Variants in DEUP1 observed in about 807,000 individuals in gnomAD.
The protein encoded by DEUP1 is deuterosome assembly protein 1.
DEUP1 carries 82 observed loss-of-function variants against 87.4 expected under a neutral mutation model. The ratio of observed to expected loss-of-function variants is 0.94; its 90% CI spans 0.78 to 1.13. DEUP1 has a LOEUF of 1.13. DEUP1 is among the 50% of genes most tolerant of loss of function. The probability of loss-of-function intolerance (pLI) is 0.00; values close to 1 mark genes in which losing one functional copy is unlikely to be tolerated. For missense variants in DEUP1, 663 were observed against 681.5 expected, an observed-to-expected ratio of 0.97 and a Z score of 0.30; for synonymous variants, 214 against 222.7, an observed-to-expected ratio of 0.96 and a Z score of 0.35.
chr11:93,355,612 G>T, intron 3 of DEUP1, 70 bp downstream of exon 3: 2 of 1,345,588 alleles, frequency 1.5e-6, no homozygotes, highest in African/African-American at 1.5e-5. Context: ...ATCAGAATAT[G>T]TTTTTATTAT....
Position 93,437,647 on chromosome 11 carries a change from T to C in DEUP1, c.1743T>C (p.Ile581=), listed in dbSNP as rs772187549. 3.7e-6 allele frequency: 6 copies of C among 1,609,574 alleles called. No individual in the cohort carries two copies. In the East Asian group the frequency reaches 1.1e-4, roughly 30 times the overall value. Residue 581 remains isoleucine (I), a synonymous_variant, in exon 14 of 14, where the codon ATT becomes ATC. Coordinates refer to ENST00000298050, the MANE Select transcript of DEUP1 (RefSeq NM_181645.4). The part of the protein sequence containing the change: ...KELEKLLNTH[I]DELQRHTEFT... ...TTGAAAAACTTCTAAATACACATAT[T>C]GATGAACTGCAAAGACACACAGAAT...
At chr11:93,344,477 C>T (rs1944235985) in intron 2 of DEUP1, among the ~76,000 whole-genome samples, 1 of 151,652 alleles carries the variant, frequency 6.6e-6, no homozygotes, top group African/African-American at 2.4e-5. Flanking sequence ...TCTCCTGTCT[C>T]TCCTCTCTAT....
rs531424713 is a variant in DEUP1, at chr11:93,357,790, T to C, written c.297+747T>C. ...TAATTAAAGGAGCCTAAGCAATTAC[T>C]GAACCTTTTTAAATACGTTTTAGGA... On this transcript the variant is annotated intron_variant, in intron 4 of 13. Transcript: ENST00000298050. 1.3e-4 allele frequency among the ~76,000 whole-genome samples: 20 copies of C among 152,310 alleles called. No homozygotes were observed. In the East Asian group the frequency reaches 3.7e-3, roughly 28 times the overall value.
chr11:93,416,146 G>C (rs1401172785), intron 13 of DEUP1, among the ~76,000 whole-genome samples: 1 of 152,008 alleles, frequency 6.6e-6, no homozygotes, highest in Non-Finnish European at 1.5e-5. Flanking sequence ...GCAAACACTT[G>C]CAAAAGCTAG....
At chr11:93,332,352 A>C in intron 2 of DEUP1, 64 bp downstream of exon 2, 2 of 1,361,340 alleles carry the variant, frequency 1.5e-6, no homozygotes, top group Non-Finnish European at 2.0e-6. Context: ...CTTCCTGAGA[A>C]CACATGAATT....
intron 7 of DEUP1, among the ~76,000 whole-genome samples, chr11:93,376,559 T>C (rs1333603685): frequency 6.6e-6 from 1 of 152,208 alleles, no homozygotes; most frequent in Admixed American, 6.5e-5. Flanking sequence ...CATTCACCTT[T>C]TCAAAGAGCC....
chr11:93,348,758 C>T (rs1410865167), intron 2 of DEUP1, among the ~76,000 whole-genome samples: 1 of 152,158 alleles, frequency 6.6e-6, no homozygotes, highest in East Asian at 1.9e-4. Context: ...CCAGTTTGTC[C>T]AGAACAGTAA....
intron 10 of DEUP1, 102 bp downstream of exon 10, chr11:93,394,758 T>G: frequency 1.3e-6 from 1 of 793,288 alleles, no homozygotes; most frequent in Non-Finnish European, 1.9e-6. Context: ...TTTCTTGGTA[T>G]TATTTCTGAG....
At chr11:93,331,366 CTT>C (rs35351033) in intron 1 of DEUP1, among the ~76,000 whole-genome samples, 35 of 145,062 alleles carry the variant, frequency 2.4e-4, no homozygotes, top group Middle Eastern at 3.6e-3. Context: ...CTGAGAAAAA[CTT>C]TTTTTTTTTT....
intron 13 of DEUP1, among the ~76,000 whole-genome samples, chr11:93,420,588 A>G (rs1449386905): frequency 1.4e-5 from 2 of 145,906 alleles, no homozygotes; most frequent in Admixed American, 7.0e-5. Context: ...GAAGGAAATA[A>G]AGGGTATTCA....
At chr11:93,400,649 A>C (rs190460278) in intron 11 of DEUP1, among the ~76,000 whole-genome samples, 458 of 152,208 alleles carry the variant, frequency 3.0e-3, no homozygotes, top group African/African-American at 0.011. Flanking sequence ...CTAAACTTAT[A>C]ATAGCCATAT....
chr11:93,335,600 G>A (rs1041908059), intron 2 of DEUP1, among the ~76,000 whole-genome samples: 2 of 152,144 alleles, frequency 1.3e-5, no homozygotes, highest in South Asian at 4.2e-4. Context: ...AGGTTTATGC[G>A]TATATCTTCT....
chr11:93,386,438 C>T (rs1249466889), intron 8 of DEUP1, among the ~76,000 whole-genome samples: 1 of 152,150 alleles, frequency 6.6e-6, no homozygotes, highest in Admixed American at 6.5e-5. Context: ...CTCTTATTCT[C>T]ATAGAACTTG....
chr11:93,375,739 A>G (rs539683732), intron 7 of DEUP1, among the ~76,000 whole-genome samples: 1 of 152,178 alleles, frequency 6.6e-6, no homozygotes, highest in African/African-American at 2.4e-5. Context: ...ATTGGTCTGT[A>G]GTTTTCTTTT....
intron 12 of DEUP1, among the ~76,000 whole-genome samples, chr11:93,413,995 T>C (rs1565344439): frequency 6.6e-6 from 1 of 152,186 alleles, no homozygotes; most frequent in Non-Finnish European, 1.5e-5. Context: ...TACCTAATCT[T>C]TACTAAACAT....
At chr11:93,365,530 G>A (rs1289422329) in intron 5 of DEUP1, among the ~76,000 whole-genome samples, 1 of 151,936 alleles carries the variant, frequency 6.6e-6, no homozygotes, top group Non-Finnish European at 1.5e-5. Context: ...TATTCCATTC[G>A]ACTGACTTTT....
chr11:93,382,212 A>G lies in DEUP1; in HGVS notation c.790-3186A>G, dbSNP rs79900783. Among the ~76,000 whole-genome samples the G allele has an allele frequency of 7.1e-3, 1,075 of 152,288 alleles. 16 individuals carry two copies. The highest frequency in any genetic ancestry group is 0.025 in the African/African-American group (1,040 of 41,578). ...TTAAAACTACATCTCAGTTAAATCA[A>G]TTCACTAATTCTTGTGTTAATTTAG... On this transcript the variant is annotated intron_variant, in intron 7 of 13. Coordinates refer to ENST00000298050, the MANE Select transcript of DEUP1 (RefSeq NM_181645.4).
chr11:93,389,005 A>G lies in DEUP1; in HGVS notation c.936-15A>G. 7.7e-7 allele frequency: 1 copy of G among 1,302,426 alleles called. No individual in the cohort carries two copies. The highest frequency in any genetic ancestry group is 1.1e-6 in the Non-Finnish European group (1 of 921,552). 80.7% of individuals were successfully genotyped at this position (1,302,426 alleles called of 1,614,324 possible). A position where few individuals can be genotyped will look rare whatever the true frequency, so the allele number is the denominator to read the frequency against. ...TAAGCTTAATTTTAATCATTATTTT[A>G]TGTTTAATTTGTAGACTTGAATCAT... is the stretch of plus-strand genomic sequence containing the variant. On this transcript the variant is annotated splice_polypyrimidine_tract_variant and intron_variant, in intron 8 of 13. Coordinates refer to ENST00000298050, the MANE Select transcript of DEUP1 (RefSeq NM_181645.4).
intron 8 of DEUP1, 45 bp downstream of exon 8, chr11:93,385,588 T>G: frequency 6.8e-7 from 1 of 1,463,592 alleles, no homozygotes; most frequent in Non-Finnish European, 9.2e-7. Flanking sequence ...GTTCAAAACA[T>G]GATGTTTGAA....
Sources: gnomAD v4.1 joint callset for allele counts (sites outside exome capture counted in the v4.1 genomes callset) on GRCh38, gnomAD v4.1.1 for gene constraint, MANE v1.5 for transcripts, NCBI Gene and HGNC (gene_info 2026-07-23, HGNC 2026-07-21) for gene names.